Variants in ANO3 observed in about 807,000 individuals in gnomAD.
The protein encoded by ANO3 is anoctamin-3.
ANO3 carries 99 observed loss-of-function variants against 144.8 expected under a neutral mutation model. That is an observed-to-expected ratio of 0.68 (90% CI 0.58 to 0.81). The LOEUF (loss-of-function observed/expected upper bound fraction) is 0.81, where lower values mean the gene tolerates loss of function less well. Ranked by LOEUF, ANO3 falls within the 30% of genes least tolerant of loss-of-function variation. ANO3 has a pLI of 0.00. For missense variants in ANO3, 905 were observed against 1,202.2 expected, an observed-to-expected ratio of 0.75 and a Z score of 3.66; for synonymous variants, 414 against 392.6, an observed-to-expected ratio of 1.05 and a Z score of -0.64.
intron 4 of ANO3, among the ~76,000 whole-genome samples, chr11:26,500,437 T>A (rs10834985): frequency 6.6e-6 from 1 of 151,828 alleles, no homozygotes; most frequent in Non-Finnish European, 1.5e-5. Context: ...ACAGGGTGAA[T>A]TTCTCCATAT....
intron 1 of ANO3, among the ~76,000 whole-genome samples, chr11:26,434,615 G>C (rs1030528276): frequency 1.3e-5 from 2 of 152,100 alleles, no homozygotes; most frequent in Non-Finnish European, 2.9e-5. Context: ...CAGATATTCT[G>C]ACATGTTGTA....
At chr11:26,500,451 C>T (rs532540901) in intron 4 of ANO3, among the ~76,000 whole-genome samples, 1 of 152,140 alleles carries the variant, frequency 6.6e-6, no homozygotes, top group South Asian at 2.1e-4. Flanking sequence ...TCCATATCCT[C>T]GTCAATACTT....
chr11:26,526,180 T>C (rs181488270), intron 7 of ANO3, among the ~76,000 whole-genome samples: 230 of 152,232 alleles, frequency 1.5e-3, no homozygotes, highest in African/African-American at 5.5e-3. Context: ...GGTACCGCTC[T>C]TATCCTAGTA....
At chr11:26,585,850 A>G (rs1207773759) in intron 14 of ANO3, among the ~76,000 whole-genome samples, 1 of 152,226 alleles carries the variant, frequency 6.6e-6, no homozygotes, top group Admixed American at 6.5e-5. Flanking sequence ...GAAACATTTC[A>G]TGTACACCTC....
intron 1 of ANO3, among the ~76,000 whole-genome samples, chr11:26,194,007 TA>T (rs1352694068): frequency 1.3e-5 from 2 of 152,282 alleles, no homozygotes; most frequent in East Asian, 3.9e-4. Flanking sequence ...ATTAAGGGTG[TA>T]AAAAATCCCT....
intron 1 of ANO3, among the ~76,000 whole-genome samples, chr11:26,410,737 A>G (rs983909220): frequency 1.3e-5 from 2 of 151,988 alleles, no homozygotes; most frequent in African/African-American, 2.4e-5. Flanking sequence ...TTTCTGCTCT[A>G]CGAAAAGAAG....
At chr11:26,406,172 G>A (rs1214080291) in intron 1 of ANO3, among the ~76,000 whole-genome samples, 1 of 151,862 alleles carries the variant, frequency 6.6e-6, no homozygotes, top group Admixed American at 6.6e-5. Flanking sequence ...AGAATTCCAA[G>A]AGCAAGTTTC....
Position 26,660,424 on chromosome 11 carries a change from G to A in ANO3, c.2926G>A (p.Val976Ile). ...ACAACGGAGAAAAAGTGGTCAGCCT[G>A]TTCACCATGAATGGCCTTAGTTGAC... ...QQQRRKSGQP[V>I]HHEWP The change falls in exon 27 of 27, where the codon GTT becomes ATT. Residue 976 changes from valine (V) to isoleucine (I), a missense_variant. Transcript: ENST00000256737. The A allele has an allele frequency of 6.2e-7, 1 of 1,612,682 alleles. No individual in the cohort carries two copies. Among genetic ancestry groups the A allele is most frequent in the South Asian group, 1.1e-5 (1 of 90,730 alleles).
chr11:26,438,738 A>G (rs2134019307), intron 1 of ANO3, among the ~76,000 whole-genome samples: 1 of 151,292 alleles, frequency 6.6e-6, no homozygotes, highest in South Asian at 2.1e-4. Flanking sequence ...AGATCGCACC[A>G]CTGCACTCCA....
chr11:26,216,511 T>C (rs1852038552), intron 1 of ANO3, among the ~76,000 whole-genome samples: 1 of 152,030 alleles, frequency 6.6e-6, no homozygotes, highest in African/African-American at 2.4e-5. Flanking sequence ...CCTTCATTTA[T>C]CCATTCACTT....
intron 1 of ANO3, among the ~76,000 whole-genome samples, chr11:26,255,122 C>T (rs11029430): frequency 0.018 from 2,796 of 152,270 alleles, 68 homozygotes; most frequent in East Asian, 0.12. Flanking sequence ...TTTTGCATCT[C>T]TTTCTATGTA....
At chr11:26,463,956 G>C (rs148286638) in intron 4 of ANO3, among the ~76,000 whole-genome samples, 1 of 151,446 alleles carries the variant, frequency 6.6e-6, no homozygotes, top group East Asian at 2.0e-4. Context: ...AAAAAAGATA[G>C]TTGGATATTA....
intron 1 of ANO3, among the ~76,000 whole-genome samples, chr11:26,232,066 T>A (rs1373996704): frequency 6.6e-6 from 1 of 152,198 alleles, no homozygotes. Context: ...TCTTTGCTCC[T>A]CAGGAATCAA....
intron 4 of ANO3, among the ~76,000 whole-genome samples, chr11:26,485,367 T>TA (rs1259463368): frequency 1.5e-3 from 226 of 149,328 alleles, no homozygotes; most frequent in Non-Finnish European, 2.3e-3. Flanking sequence ...GGTCTGGTTT[T>TA]AAAAAAAAAA....
At chr11:26,374,817 C>T (rs1209913167) in intron 1 of ANO3, among the ~76,000 whole-genome samples, 1 of 152,196 alleles carries the variant, frequency 6.6e-6, no homozygotes, top group Non-Finnish European at 1.5e-5. Context: ...AATGTTGGCT[C>T]GTTGCAACCT....
chr11:26,267,932 C>A (rs77351147), intron 1 of ANO3, among the ~76,000 whole-genome samples: 2,998 of 151,956 alleles, frequency 0.02, 61 homozygotes, highest in East Asian at 0.12. Flanking sequence ...ATAAAAATTT[C>A]GCAAAAACTA....
At chr11:26,634,681 A>T (rs907767747) in intron 19 of ANO3, among the ~76,000 whole-genome samples, 1 of 152,234 alleles carries the variant, frequency 6.6e-6, no homozygotes, top group Admixed American at 6.5e-5. Flanking sequence ...CCATGGAAAC[A>T]TACTAAAGAT....
At chr11:26,249,396 A>G (rs986655509) in intron 1 of ANO3, among the ~76,000 whole-genome samples, 3 of 152,212 alleles carry the variant, frequency 2.0e-5, no homozygotes, top group African/African-American at 7.2e-5. Context: ...AAAGGGATAG[A>G]GTGATATTTT....
At chr11:26,624,258 A>G (rs905214211) in intron 17 of ANO3, among the ~76,000 whole-genome samples, 5 of 152,254 alleles carry the variant, frequency 3.3e-5, no homozygotes, top group African/African-American at 1.2e-4. Flanking sequence ...GTGTACACAC[A>G]TTTACATTCA....
Sources: allele counts gnomAD v4.1 joint callset (sites outside exome capture counted in the v4.1 genomes callset), GRCh38; gene constraint gnomAD v4.1.1; transcripts MANE v1.5; gene names NCBI Gene and HGNC (gene_info 2026-07-23, HGNC 2026-07-21).